MAPKAPK2: variants seen among roughly 807,000 people sequenced by gnomAD.
MAPKAPK2 encodes MAPK activated protein kinase 2.
In MAPKAPK2, 9 loss-of-function variants were observed where a neutral mutation model predicts 48.8. That is an observed-to-expected ratio of 0.18 (90% CI 0.11 to 0.32). The LOEUF (loss-of-function observed/expected upper bound fraction) is 0.32, where lower values mean the gene tolerates loss of function less well. Ranked by LOEUF, MAPKAPK2 falls within the 10% of genes least tolerant of loss-of-function variation. The probability of loss-of-function intolerance (pLI) is 1.00; values close to 1 mark genes in which losing one functional copy is unlikely to be tolerated. For missense variants in MAPKAPK2, 331 were observed against 498.3 expected (o/e 0.66, Z 3.20); for synonymous variants, 202 against 190.6 (o/e 1.06, Z -0.49).
chr1:206,725,281 G>A (rs1673667929), intron 1 of MAPKAPK2, among the ~76,000 whole-genome samples: 1 of 152,194 alleles, frequency 6.6e-6, no homozygotes, highest in Non-Finnish European at 1.5e-5. Context: ...TTTAGATTTG[G>A]ATCTTGGTGC....
chr1:206,727,021 G>A (rs558728196), intron 1 of MAPKAPK2, among the ~76,000 whole-genome samples: 1 of 152,068 alleles, frequency 6.6e-6, no homozygotes, highest in East Asian at 1.9e-4. Flanking sequence ...CTGCCTTCAT[G>A]CCTTCCCTCT....
intron 1 of MAPKAPK2, among the ~76,000 whole-genome samples, chr1:206,714,371 A>G (rs1453183808): frequency 6.6e-6 from 1 of 152,106 alleles, no homozygotes; most frequent in Non-Finnish European, 1.5e-5. Flanking sequence ...TAAGCGACCC[A>G]GGGTAGCTTG....
At chr1:206,720,245 G>T (rs1673473331) in intron 1 of MAPKAPK2, among the ~76,000 whole-genome samples, 2 of 152,198 alleles carry the variant, frequency 1.3e-5, no homozygotes, top group Admixed American at 1.3e-4. Flanking sequence ...TATACTAATT[G>T]TAAATCACCT....
At chr1:206,692,355 A>G (rs976467063) in intron 1 of MAPKAPK2, among the ~76,000 whole-genome samples, 1 of 152,234 alleles carries the variant, frequency 6.6e-6, no homozygotes, top group Admixed American at 6.5e-5. Flanking sequence ...TCAGCCCCTC[A>G]GACCAGGCTG....
At chr1:206,729,614 C>T in intron 4 of MAPKAPK2, 139 bp downstream of exon 4, 1 of 772,920 alleles carries the variant, frequency 1.3e-6, no homozygotes, top group Admixed American at 2.2e-5. Context: ...CCTTGTAGGG[C>T]CTTGCCCTCT....
chr1:206,699,156 A>G (rs188836410), intron 1 of MAPKAPK2, among the ~76,000 whole-genome samples: 506 of 152,352 alleles, frequency 3.3e-3, no homozygotes, highest in African/African-American at 0.012. Flanking sequence ...TTCCTCTCAA[A>G]ATCCAGATCT....
rs554876537 is a variant in MAPKAPK2 at position 206,731,002 on chromosome 1, T to C, written c.768-136T>C. 1.0e-5 allele frequency: 13 copies of C among 1,269,432 alleles called. No homozygotes were observed. Among genetic ancestry groups the C allele is most frequent in the Admixed American group, 7.2e-5 (4 of 55,918 alleles). The allele number at this position is 1,269,432 out of a possible 1,614,324, so 78.6% of individuals were successfully genotyped here. A position where few individuals can be genotyped will look rare whatever the true frequency, so the allele number is the denominator to read the frequency against. ...CGGGCCCCGGGCTTGACTTTGTATA[T>C]TGTGCCTGTGTCAATAAGCCCTGAT... On this transcript the variant is annotated intron_variant, in intron 6 of 9. Transcript: ENST00000367103. The surrounding 1 kb of genome is among the most constrained non-coding windows in gnomAD (Gnocchi z 5.9).
At chr1:206,730,292 G>A (rs1553432459) in intron 5 of MAPKAPK2, among the ~76,000 whole-genome samples, 194 bp downstream of exon 5, 1 of 152,202 alleles carries the variant, frequency 6.6e-6, no homozygotes, top group Non-Finnish European at 1.5e-5. Context: ...TGTAGGAAAG[G>A]ATCTGCTGGG....
intron 1 of MAPKAPK2, among the ~76,000 whole-genome samples, chr1:206,725,520 C>T (rs1553431767): frequency 6.6e-6 from 1 of 152,082 alleles, no homozygotes; most frequent in Non-Finnish European, 1.5e-5. Context: ...GGTATTATTT[C>T]ATTAGATGCT....
intron 1 of MAPKAPK2, among the ~76,000 whole-genome samples, chr1:206,692,288 G>A (rs1182766549): frequency 6.6e-6 from 1 of 152,216 alleles, no homozygotes; most frequent in Non-Finnish European, 1.5e-5. Flanking sequence ...TTAGGTTAGA[G>A]TTGGGGACTG....
At chr1:206,709,392 C>T (rs543084743) in intron 1 of MAPKAPK2, among the ~76,000 whole-genome samples, 187 of 152,218 alleles carry the variant, frequency 1.2e-3, no homozygotes, top group Admixed American at 4.6e-3. Flanking sequence ...TCTCGCTGCT[C>T]GATGTGATCT....
At chr1:206,688,530 A>C (rs903610685) in intron 1 of MAPKAPK2, among the ~76,000 whole-genome samples, 1 of 152,200 alleles carries the variant, frequency 6.6e-6, no homozygotes, top group African/African-American at 2.4e-5. Flanking sequence ...GGGAACTTCA[A>C]CAGTAGCTTC....
At chr1:206,702,558 A>G (rs1478980377) in intron 1 of MAPKAPK2, among the ~76,000 whole-genome samples, 1 of 152,268 alleles carries the variant, frequency 6.6e-6, no homozygotes, top group Non-Finnish European at 1.5e-5. Flanking sequence ...CGTAGGGAAG[A>G]GTCCCTGCTT....
intron 1 of MAPKAPK2, among the ~76,000 whole-genome samples, chr1:206,691,504 TAC>T (rs1553426272): frequency 2.3e-4 from 26 of 112,090 alleles, no homozygotes; most frequent in South Asian, 5.3e-4. Flanking sequence ...TATATATATA[TAC>T]ACACATACAC....
At chr1:206,708,792 C>G (rs1490422550) in intron 1 of MAPKAPK2, among the ~76,000 whole-genome samples, 1 of 152,264 alleles carries the variant, frequency 6.6e-6, no homozygotes, top group Non-Finnish European at 1.5e-5. Flanking sequence ...CATACCCCCT[C>G]GCAAGTGATC....
At chr1:206,694,871 G>T (rs1553426769) in intron 1 of MAPKAPK2, among the ~76,000 whole-genome samples, 6 of 152,334 alleles carry the variant, frequency 3.9e-5, no homozygotes, top group African/African-American at 1.4e-4. Context: ...CTGGCAGATG[G>T]GGAGGCCACA....
chr1:206,714,524 A>G (rs1273258397), intron 1 of MAPKAPK2, among the ~76,000 whole-genome samples: 4 of 151,868 alleles, frequency 2.6e-5, no homozygotes, highest in African/African-American at 9.7e-5. Flanking sequence ...GCATTTTGAG[A>G]GGCTGAGGCA....
Position 206,731,473 on chromosome 1 carries a change from G to C in MAPKAPK2, c.893-167G>C. On this transcript the variant is annotated intron_variant, in intron 7 of 9. Transcript: ENST00000367103. This position sits in a 1 kb window ranked among gnomAD's most constrained non-coding sequence, Gnocchi z 5.9. Reference sequence around the variant, plus strand: ...AGGGCCAAGGCTGTGGGGCTGTGCAGGGCCTCTCAAGTGGTACAGCCGTAA... The same window carrying C: ...AGGGCCAAGGCTGTGGGGCTGTGCACGGCCTCTCAAGTGGTACAGCCGTAA... The C allele has an allele frequency of 1.8e-6, 2 of 1,119,582 alleles. No homozygotes were observed. The highest frequency in any genetic ancestry group is 1.3e-6 in the Non-Finnish European group (1 of 769,330). 69.4% of individuals were successfully genotyped at this position (1,119,582 alleles called of 1,614,324 possible). A position where few individuals can be genotyped will look rare whatever the true frequency, so the allele number is the denominator to read the frequency against.
Position 206,704,510 on chromosome 1 carries a change from C to T in MAPKAPK2, c.279+19002C>T, listed in dbSNP as rs760192729. Among the ~76,000 whole-genome samples the T allele has an allele frequency of 1.3e-5, 2 of 152,132 alleles. No individual in the cohort carries two copies. The highest frequency in any genetic ancestry group is 4.8e-5 in the African/African-American group (2 of 41,416). On this transcript the variant is annotated intron_variant, in intron 1 of 9. Transcript: ENST00000367103. This position sits in a 1 kb window ranked among gnomAD's most constrained non-coding sequence, Gnocchi z 4.3. ...GCAGTCACCCAACTTCCTTTATAGC[C>T]GGATACAAAACAGTGCCTGAGGTCC... is the stretch of plus-strand genomic sequence containing the variant.
Sources: gnomAD v4.1 joint callset for allele counts (sites outside exome capture counted in the v4.1 genomes callset) on GRCh38, gnomAD v4.1.1 for gene constraint, Gnocchi (gnomAD v3.1) non-coding constraint, MANE v1.5 for transcripts, NCBI Gene and HGNC (gene_info 2026-07-23, HGNC 2026-07-21) for gene names.